Variants in SLC17A6 observed in about 807,000 individuals in gnomAD.
SLC17A6 encodes the protein vesicular glutamate transporter 2.
A neutral mutation model predicts 67.1 loss-of-function variants in SLC17A6; 35 were observed. The ratio of observed to expected loss-of-function variants is 0.52; its 90% CI spans 0.40 to 0.69. The LOEUF (loss-of-function observed/expected upper bound fraction) is 0.69, where lower values mean the gene tolerates loss of function less well. SLC17A6 is among the 30% of genes least tolerant of loss of function. The pLI, the probability that SLC17A6 is intolerant of heterozygous loss-of-function variation, is 0.00. For missense variants in SLC17A6, 588 were observed against 723.9 expected (o/e 0.81, Z 2.15); for synonymous variants, 285 against 252.3 (o/e 1.13, Z -1.23).
At position 22,351,971 on chromosome 11, in the gene SLC17A6, C is replaced by A. The variant is rs186390967; in HGVS notation, c.459-7442C>A. ...TATACAGAAAATATATTTAATGCTT[C>A]TGTCTTCTAGCATCAGACCAAACAA... On this transcript the variant is annotated intron_variant, in intron 3 of 11. Coordinates refer to ENST00000263160, the MANE Select transcript of SLC17A6 (RefSeq NM_020346.3). Among the ~76,000 whole-genome samples the A allele has an allele frequency of 3.3e-5, 5 of 152,220 alleles. No homozygotes were observed. In the East Asian group the frequency reaches 9.7e-4, roughly 29 times the overall value.
chr11:22,376,203 T>A, intron 10 of SLC17A6, 111 bp downstream of exon 10: 1 of 610,158 alleles, frequency 1.6e-6, no homozygotes, highest in Non-Finnish European at 2.7e-6. Flanking sequence ...ATTCTATATG[T>A]TGAATAATAG....
At chr11:22,338,808 G>C (rs964029472) in intron 1 of SLC17A6, among the ~76,000 whole-genome samples, 189 bp downstream of exon 1, 1 of 127,256 alleles carries the variant, frequency 7.9e-6, no homozygotes, top group Admixed American at 8.3e-5. Context: ...AAATGAACCT[G>C]TCTGGTGTGT....
chr11:22,353,685 T>A lies in SLC17A6; in HGVS notation c.459-5728T>A, dbSNP rs918463483. Among the ~76,000 whole-genome samples the A allele has an allele frequency of 6.6e-5, 10 of 152,216 alleles. 1 individual carries two copies. The highest frequency in any genetic ancestry group is 5.9e-4 in the Admixed American group (9 of 15,274). On this transcript the variant is annotated intron_variant, in intron 3 of 11. Transcript: ENST00000263160. ...TCATTTTTGATCTAACAATCTAATA[T>A]CCATTTGTGTTTTTTAAAGGACATC...
chr11:22,357,277 T>C (rs1398916365), intron 3 of SLC17A6, among the ~76,000 whole-genome samples: 1 of 152,234 alleles, frequency 6.6e-6, no homozygotes, highest in African/African-American at 2.4e-5. Flanking sequence ...TTGTGGAGTT[T>C]ATGGCATGTG....
intron 3 of SLC17A6, among the ~76,000 whole-genome samples, chr11:22,344,796 CA>C (rs1020582779): frequency 1.3e-5 from 2 of 152,050 alleles, no homozygotes; most frequent in African/African-American, 4.8e-5. Context: ...TGATAGTAGG[CA>C]AAAATTAAAG....
intron 3 of SLC17A6, among the ~76,000 whole-genome samples, chr11:22,347,506 G>GA (rs11353384): frequency 6.6e-6 from 1 of 151,572 alleles, no homozygotes; most frequent in Admixed American, 6.6e-5. Context: ...TAACTTTCGG[G>GA]AAAAAAAAAG....
chr11:22,351,353 T>C (rs7933279), intron 3 of SLC17A6, among the ~76,000 whole-genome samples: 6,401 of 152,080 alleles, frequency 0.042, 321 homozygotes, highest in African/African-American at 0.11. Context: ...GATAATTATA[T>C]CTAAGAGATA....
intron 8 of SLC17A6, among the ~76,000 whole-genome samples, chr11:22,371,154 A>G (rs1208081629): frequency 1.3e-5 from 2 of 152,096 alleles, no homozygotes; most frequent in Non-Finnish European, 2.9e-5. Flanking sequence ...GGTAAATCAT[A>G]TATCCATTCA....
At chr11:22,357,889 C>A (rs1298961040) in intron 3 of SLC17A6, among the ~76,000 whole-genome samples, 2 of 152,148 alleles carry the variant, frequency 1.3e-5, no homozygotes, top group African/African-American at 2.4e-5. Flanking sequence ...ATATTCACTT[C>A]ATGAGTGATC....
chr11:22,341,529 G>T lies in SLC17A6; in HGVS notation c.88G>T (p.Val30Leu), dbSNP rs367738817. The T allele has an allele frequency of 6.8e-4, 1,099 of 1,613,284 alleles. 15 individuals carry two copies. The South Asian group carries it at 0.01, about 15-fold the overall frequency. Residue 30 changes from valine to leucine, a missense_variant and splice_region_variant, in exon 2 of 12, where the codon GTG becomes TTG. Coordinates refer to ENST00000263160, the MANE Select transcript of SLC17A6 (RefSeq NM_020346.3). ...AGKSLGQIYR[V>L]LEKKQDTGET... ...ACTCGCCCCTGCTCTGCCGCGCAGG[G>T]TGCTGGAGAAGAAGCAAGACACCGG... is the stretch of plus-strand genomic sequence containing the variant.
chr11:22,343,797 G>A (rs1010969354), intron 3 of SLC17A6, among the ~76,000 whole-genome samples: 10 of 152,148 alleles, frequency 6.6e-5, no homozygotes, highest in Non-Finnish European at 1.0e-4. Context: ...CTGGCAAGGC[G>A]CCTCGAAGAC....
At chr11:22,343,499 C>T (rs530995562) in intron 3 of SLC17A6, 134 bp downstream of exon 3, 257 of 664,826 alleles carry the variant, frequency 3.9e-4, no homozygotes, top group African/African-American at 3.8e-3. Context: ...TCCCTTGACA[C>T]ACCCTCTCAG....
intron 1 of SLC17A6, among the ~76,000 whole-genome samples, chr11:22,341,064 C>T (rs1165435634): frequency 1.3e-5 from 2 of 152,192 alleles, no homozygotes; most frequent in Non-Finnish European, 2.9e-5. Flanking sequence ...CGGAGCAGCT[C>T]TCTGGTGCTG....
chr11:22,339,207 TAGAG>T (rs1204278305), intron 1 of SLC17A6, among the ~76,000 whole-genome samples: 5 of 139,384 alleles, frequency 3.6e-5, no homozygotes, highest in Non-Finnish European at 7.7e-5. Flanking sequence ...ATATATATGT[TAGAG>T]AGAGAGAGAA....
At chr11:22,365,736 C>T (rs778468852) in intron 7 of SLC17A6, 47 bp downstream of exon 7, 5 of 1,544,996 alleles carry the variant, frequency 3.2e-6, no homozygotes, top group Non-Finnish European at 4.4e-6. Flanking sequence ...TCCCATCTCG[C>T]CCCCATTGAC....
chr11:22,360,110 T>TAA (rs11406721), intron 4 of SLC17A6, among the ~76,000 whole-genome samples: 4,762 of 142,262 alleles, frequency 0.033, 101 homozygotes, highest in East Asian at 0.12. Flanking sequence ...ATTAAGGCAC[T>TAA]AAAAAAAAAA....
intron 3 of SLC17A6, among the ~76,000 whole-genome samples, chr11:22,354,207 C>T (rs1191706739): frequency 1.3e-5 from 2 of 152,090 alleles, no homozygotes; most frequent in Admixed American, 1.3e-4. Context: ...CCTCAGCCTC[C>T]TGAGTAGCTG....
chr11:22,338,568 G>A lies in SLC17A6; in HGVS notation c.35G>A (p.Gly12Glu), dbSNP rs1435488260. ...ESVKQRILAP[G>E]KEGLKNFAGK... is the part of the protein sequence containing the mutation. ...GTAAAACAAAGGATTTTGGCCCCAG[G>A]AAAAGAGGGGCTAAAGAATTTTGCT... is the stretch of plus-strand genomic sequence containing the variant. The change falls in exon 1 of 12, where the codon GGA becomes GAA. Residue 12 changes from glycine to glutamate, a missense_variant. By Grantham distance (98) the Gly-to-Glu change is moderately conservative (BLOSUM62 -2). Around this residue, in one of 4 missense-constraint regions of SLC17A6, gnomAD observed 117 missense variants for 98.7 expected, o/e 1.19. Transcript: ENST00000263160. 6.2e-7 allele frequency: 1 copy of A among 1,613,732 alleles called. No homozygotes were observed. The highest frequency in any genetic ancestry group is 8.5e-7 in the Non-Finnish European group (1 of 1,179,802).
rs141060512 is a variant in SLC17A6, at chr11:22,374,755, G to A, written c.1042G>A (p.Val348Ile). 1 of 1,598,734 alleles carries A rather than the reference G, an allele frequency of 6.3e-7. No homozygotes were observed. The highest frequency in any genetic ancestry group is 8.5e-7 in the Non-Finnish European group (1 of 1,174,074). The change falls in exon 9 of 12, where the codon GTT becomes ATT. Residue 348 changes from valine to isoleucine, a missense_variant and splice_region_variant. Around this residue, in one of 4 missense-constraint regions of SLC17A6, gnomAD observed 414 missense variants for 563.4 expected, o/e 0.73. Transcript: ENST00000263160. ...TCTCTCCCTTCTTGTTTTTCATCAG[G>A]TTGGTATGCTATCTGCTGTGCCACA... Reference protein sequence around the residue: ...EEVFGFEISKVGMLSAVPHLV... With the variant: ...EEVFGFEISKIGMLSAVPHLV...
Sources: gnomAD v4.1 joint callset for allele counts (sites outside exome capture counted in the v4.1 genomes callset) on GRCh38, gnomAD v4.1.1 for gene constraint, gnomAD v4.1.1 regional missense constraint, MANE v1.5 for transcripts, NCBI Gene and HGNC (gene_info 2026-07-23, HGNC 2026-07-21) for gene names.